B3GNT3: variants seen among roughly 807,000 people sequenced by gnomAD.
The protein encoded by B3GNT3 is N-acetyllactosaminide beta-1,3-N-acetylglucosaminyltransferase 3.
In B3GNT3, 7 loss-of-function variants were observed where a neutral mutation model predicts 11.6. The observed-to-expected ratio is 0.60, with a 90% confidence interval of 0.34 to 1.13. The LOEUF (loss-of-function observed/expected upper bound fraction) is 1.13. B3GNT3 is among the 50% of genes most tolerant of loss of function. The pLI is 0.03. For missense variants in B3GNT3, 400 were observed against 507.4 expected (o/e 0.79, Z 2.03); for synonymous variants, 201 against 222.1 (o/e 0.90, Z 0.85).
At chr19:17,806,280 C>T (rs1947807434) in intron 1 of B3GNT3, among the ~76,000 whole-genome samples, 1 of 151,918 alleles carries the variant, frequency 6.6e-6, no homozygotes, top group Admixed American at 6.6e-5. Flanking sequence ...TGCGCCCAGC[C>T]TAATTTTTGT....
Position 17,811,551 on chromosome 19 carries a change from C to T in B3GNT3, c.568-20C>T, listed in dbSNP as rs761220548. 1.6e-5 allele frequency: 26 copies of T among 1,596,460 alleles called. No individual in the cohort carries two copies. The African/African-American group carries it at 3.2e-4, about 20-fold the overall frequency. On this transcript the variant is annotated intron_variant, in intron 2 of 2. Transcript: ENST00000318683. This position sits in a 1 kb window ranked among gnomAD's most constrained non-coding sequence, Gnocchi z 4.1. ...TTCTCCAGCCCTCAAGCAAGCATGC[C>T]CTGTCCACCCTGCCTGCAGGTCCTG...
At chr19:17,810,085 A>G (rs570902769) in intron 2 of B3GNT3, among the ~76,000 whole-genome samples, 26 of 152,294 alleles carry the variant, frequency 1.7e-4, no homozygotes, top group Admixed American at 1.7e-3. Flanking sequence ...TAGGGTAAGC[A>G]CCAAGCACAG....
intron 2 of B3GNT3, among the ~76,000 whole-genome samples, chr19:17,810,687 G>T (rs1338680196): frequency 6.6e-6 from 1 of 151,928 alleles, no homozygotes; most frequent in Non-Finnish European, 1.5e-5. Flanking sequence ...TTCAAGACCA[G>T]CCTGACCAAC....
rs183233901 is a variant in B3GNT3 at position 17,800,719 on chromosome 19, C to T, written c.-51+5513C>T. ...AGGTGGCTCATGCCTGTAATCCCAGCACTTTGGGAGGCTGAGGTGGGTGGA... is the reference window on the plus strand; with the variant it reads ...AGGTGGCTCATGCCTGTAATCCCAGTACTTTGGGAGGCTGAGGTGGGTGGA... On this transcript the variant is annotated intron_variant, in intron 1 of 2. Coordinates refer to ENST00000318683, the MANE Select transcript of B3GNT3 (RefSeq NM_014256.4). Among the ~76,000 whole-genome samples the T allele has an allele frequency of 4.9e-4, 75 of 152,172 alleles. 1 individual carries two copies. The highest frequency in any genetic ancestry group is 6.8e-3 in the Middle Eastern group (2 of 294).
chr19:17,805,020 T>C (rs75956535), intron 1 of B3GNT3, among the ~76,000 whole-genome samples: 2,199 of 152,118 alleles, frequency 0.014, 20 homozygotes, highest in Middle Eastern at 0.027. Flanking sequence ...CTAATTTTGT[T>C]TCATTTTTTT....
chr19:17,805,747 T>C (rs1348635649), intron 1 of B3GNT3, among the ~76,000 whole-genome samples: 1 of 152,212 alleles, frequency 6.6e-6, no homozygotes, highest in Admixed American at 6.5e-5. Context: ...AGGTCCCCTG[T>C]GGACCTGCCT....
chr19:17,804,690 A>G (rs1385746613), intron 1 of B3GNT3, among the ~76,000 whole-genome samples: 1 of 151,616 alleles, frequency 6.6e-6, no homozygotes, highest in Non-Finnish European at 1.5e-5. Context: ...GGCATGAGCC[A>G]TGAGCCACCA....
intron 2 of B3GNT3, among the ~76,000 whole-genome samples, chr19:17,808,986 A>G (rs550470903): frequency 6.0e-4 from 92 of 152,158 alleles, no homozygotes; most frequent in African/African-American, 1.9e-3. Flanking sequence ...ACAGGCACTC[A>G]CCATGCCCAG....
intron 1 of B3GNT3, among the ~76,000 whole-genome samples, chr19:17,807,252 G>C (rs1317450216): frequency 6.6e-6 from 1 of 151,814 alleles, no homozygotes. Context: ...CCCTTTGGGA[G>C]GCCGAGGCAG....
intron 1 of B3GNT3, 23 bp from the exon 2 acceptor site, chr19:17,807,735 T>C: frequency 1.4e-6 from 2 of 1,406,602 alleles, no homozygotes; most frequent in Non-Finnish European, 1.9e-6. Context: ...TGGCGAGTGT[T>C]CAGTGAGTTT....
chr19:17,806,674 CTGG>C (rs2094173357), intron 1 of B3GNT3, among the ~76,000 whole-genome samples: 1 of 152,122 alleles, frequency 6.6e-6, no homozygotes, highest in Non-Finnish European at 1.5e-5. Flanking sequence ...TGGGTTCCGG[CTGG>C]GGACGGTGGC....
In B3GNT3 at chr19:17,812,137, C is replaced by T. The variant is rs763876571; in HGVS notation, c.*15C>T. ...AGATCTACTGAGTCAGCATCAGGGT[C>T]CCCAGCCTCTGGGCTCCTGTTTCCA... On this transcript the variant is annotated 3_prime_UTR_variant, in exon 3 of 3. Coordinates refer to ENST00000318683, the MANE Select transcript of B3GNT3 (RefSeq NM_014256.4). 1 of 1,569,670 alleles carries T rather than the reference C, an allele frequency of 6.4e-7. No individual in the cohort carries two copies. Among genetic ancestry groups the T allele is most frequent in the Non-Finnish European group, 8.6e-7 (1 of 1,165,380 alleles).
At chr19:17,808,435 C>A (rs909125526) in intron 2 of B3GNT3, 61 bp downstream of exon 2, 69 of 1,506,220 alleles carry the variant, frequency 4.6e-5, no homozygotes, top group Non-Finnish European at 5.6e-5. Context: ...AATTACCACC[C>A]ACTCCTGAGG....
chr19:17,801,960 T>C (rs1399590770), intron 1 of B3GNT3, among the ~76,000 whole-genome samples: 1 of 152,036 alleles, frequency 6.6e-6, no homozygotes, highest in East Asian at 1.9e-4. Flanking sequence ...TGGTGGCACA[T>C]GCCTGTAGTC....
chr19:17,807,592 T>G, intron 1 of B3GNT3, 166 bp from the exon 2 acceptor site: 3 of 495,926 alleles, frequency 6.0e-6, no homozygotes, highest in Admixed American at 3.6e-5. Flanking sequence ...CCAACAGGGG[T>G]TGGAGTGCTT....
Position 17,803,579 on chromosome 19 carries a change from G to A in B3GNT3, c.-50-4179G>A, listed in dbSNP as rs138856667. ...GGCGAGGGTCCCCAAGAGTCAGCCT[G>A]GATGTCACTGCTGGACACTGGTGGC... is the stretch of plus-strand genomic sequence containing the variant. On this transcript the variant is annotated intron_variant, in intron 1 of 2. Coordinates refer to ENST00000318683, the MANE Select transcript of B3GNT3 (RefSeq NM_014256.4). 5.4e-3 allele frequency among the ~76,000 whole-genome samples: 821 copies of A among 152,298 alleles called. 9 individuals are homozygous for A. The highest frequency in any genetic ancestry group is 0.018 in the African/African-American group (765 of 41,564).
chr19:17,800,694 A>G (rs551669778), intron 1 of B3GNT3, among the ~76,000 whole-genome samples: 2 of 151,768 alleles, frequency 1.3e-5, no homozygotes, highest in East Asian at 3.9e-4. Flanking sequence ...AGGCCGGGCG[A>G]GGTGGCTCAT....
rs745499996 is a variant in B3GNT3 at position 17,807,758 on chromosome 19, G to A, written c.-50G>A. 2 of 1,533,064 alleles carry A rather than the reference G, an allele frequency of 1.3e-6. No homozygotes were observed. The highest frequency in any genetic ancestry group is 2.5e-5 in the South Asian group (2 of 81,472). The allele number at this position is 1,533,064 out of a possible 1,614,324, so 95.0% of individuals were successfully genotyped here. On this transcript the variant is annotated splice_region_variant and 5_prime_UTR_variant, in exon 2 of 3. Transcript: ENST00000318683. ...GTTCAGTGAGTTTTGTTTTCCACAG[G>A]AGCCGCCCAGGAGGCTCCTCAGGCC...
intron 1 of B3GNT3, among the ~76,000 whole-genome samples, chr19:17,807,478 CAAGAGAGA>C (rs1170335362): frequency 7.4e-5 from 10 of 134,562 alleles, no homozygotes; most frequent in East Asian, 2.1e-4. Flanking sequence ...GGCAACAGAA[CAAGAGAGA>C]GAGAGAGAGA....
Sources: allele counts gnomAD v4.1 joint callset (sites outside exome capture counted in the v4.1 genomes callset), GRCh38; gene constraint gnomAD v4.1.1; non-coding constraint Gnocchi (gnomAD v3.1); transcripts MANE v1.5; gene names NCBI Gene and HGNC (gene_info 2026-07-23, HGNC 2026-07-21).